Variants in ROR1 observed in about 807,000 individuals in gnomAD.
The protein encoded by ROR1 is ROR family WNT receptor 1, also known as inactive tyrosine-protein kinase transmembrane receptor ROR1.
ROR1 carries 19 observed loss-of-function variants against 78.8 expected under a neutral mutation model. That is an observed-to-expected ratio of 0.24 (90% CI 0.17 to 0.35). The LOEUF (loss-of-function observed/expected upper bound fraction) is 0.35. ROR1 is among the 10% of genes least tolerant of loss of function. The pLI is 1.00. For synonymous variants in ROR1, 386 were observed against 433.6 expected (o/e 0.89, Z 1.36); for missense variants, 917 against 1,177.8 (o/e 0.78, Z 3.24).
At chr1:63,922,869 A>G (rs1397154657) in intron 1 of ROR1, among the ~76,000 whole-genome samples, 2 of 152,056 alleles carry the variant, frequency 1.3e-5, no homozygotes, top group African/African-American at 2.4e-5. Context: ...TCCAGCTCCA[A>G]CTCTGAGGGT....
At chr1:64,082,827 T>C (rs766923025) in intron 4 of ROR1, among the ~76,000 whole-genome samples, 18 of 152,246 alleles carry the variant, frequency 1.2e-4, no homozygotes, top group Non-Finnish European at 1.8e-4. Context: ...ATCAAGTCTG[T>C]ATCATGGTCT....
At position 64,179,916 on chromosome 1, in the gene ROR1, T is replaced by C. The variant is rs549589732; in HGVS notation, c.*1061T>C. 1.3e-5 allele frequency: 2 copies of C among 152,310 alleles called. No homozygotes were observed. Among genetic ancestry groups the C allele is most frequent in the East Asian group, 3.9e-4 (2 of 5,188 alleles). The allele number at this position is 152,310 out of a possible 1,614,324, so 9.4% of individuals were successfully genotyped here. On this transcript the variant is annotated 3_prime_UTR_variant, in exon 9 of 9. Transcript: ENST00000371079. ...TACAAATGTCTAGTAATTTTAAAGTTTCTTTCCCTTTTTTTCTGTGCTGGA... is the reference window on the plus strand; with the variant it reads ...TACAAATGTCTAGTAATTTTAAAGTCTCTTTCCCTTTTTTTCTGTGCTGGA...
At chr1:63,889,416 C>T (rs759381773) in intron 1 of ROR1, among the ~76,000 whole-genome samples, 1 of 152,112 alleles carries the variant, frequency 6.6e-6, no homozygotes, top group Non-Finnish European at 1.5e-5. Context: ...CATAAGTTCC[C>T]AAAGTCATCT....
At chr1:63,799,753 AT>A (rs1644784480) in intron 1 of ROR1, among the ~76,000 whole-genome samples, 1 of 152,018 alleles carries the variant, frequency 6.6e-6, no homozygotes, top group African/African-American at 2.4e-5. Flanking sequence ...ATGGTGTTTA[AT>A]TCTCATGTAT....
chr1:63,828,953 CCTTT>C (rs1644970761), intron 1 of ROR1, among the ~76,000 whole-genome samples: 1 of 152,178 alleles, frequency 6.6e-6, no homozygotes, highest in Non-Finnish European at 1.5e-5. Flanking sequence ...CTATCTCCTT[CCTTT>C]CTTTCTTTAT....
chr1:64,040,411 G>A (rs1245967747), intron 2 of ROR1, among the ~76,000 whole-genome samples: 1 of 152,066 alleles, frequency 6.6e-6, no homozygotes. Flanking sequence ...AGTGAAAAGT[G>A]CACATATGAT....
At chr1:64,166,806 C>A (rs1650100209) in intron 8 of ROR1, among the ~76,000 whole-genome samples, 1 of 152,074 alleles carries the variant, frequency 6.6e-6, no homozygotes, top group South Asian at 2.1e-4. Context: ...TGGATAAAAT[C>A]CATCAGGGTG....
intron 1 of ROR1, among the ~76,000 whole-genome samples, chr1:63,927,895 A>G (rs855860): frequency 0.91 from 138,198 of 151,876 alleles, 63,038 homozygotes; most frequent in East Asian, 1. Flanking sequence ...CTAACAAAAT[A>G]TCTCACTATC....
At chr1:63,875,058 A>G (rs529392070) in intron 1 of ROR1, among the ~76,000 whole-genome samples, 1 of 152,232 alleles carries the variant, frequency 6.6e-6, no homozygotes, top group South Asian at 2.1e-4. Context: ...ATGGAATGGC[A>G]TAGAGAACAG....
At chr1:63,933,576 C>T (rs1395203185) in intron 1 of ROR1, among the ~76,000 whole-genome samples, 2 of 152,186 alleles carry the variant, frequency 1.3e-5, no homozygotes, top group East Asian at 3.9e-4. Context: ...AAGATCTTGC[C>T]ATTTCTTGGG....
At chr1:63,882,530 C>T (rs1645330081) in intron 1 of ROR1, among the ~76,000 whole-genome samples, 1 of 152,134 alleles carries the variant, frequency 6.6e-6, no homozygotes. Context: ...CCAGATGTCT[C>T]AAACAGCTTG....
intron 2 of ROR1, among the ~76,000 whole-genome samples, chr1:64,009,932 A>G (rs756306407): frequency 1.3e-5 from 2 of 152,270 alleles, no homozygotes; most frequent in Admixed American, 1.3e-4. Flanking sequence ...TAAAGACCCT[A>G]TGTCCTGGAG....
chr1:63,973,001 C>T (rs1031006713), intron 1 of ROR1, among the ~76,000 whole-genome samples: 2 of 152,248 alleles, frequency 1.3e-5, no homozygotes, highest in East Asian at 1.9e-4. Context: ...GTGGTGCCCA[C>T]GCTTCTGAGG....
intron 1 of ROR1, among the ~76,000 whole-genome samples, chr1:63,837,513 TTTTCTGAA>T (rs1164007881): frequency 6.6e-6 from 1 of 152,178 alleles, no homozygotes; most frequent in Non-Finnish European, 1.5e-5. Flanking sequence ...TTGGATAACC[TTTTCTGAA>T]AAGCAATTTC....
At chr1:64,167,203 G>C (rs1027136910) in intron 8 of ROR1, among the ~76,000 whole-genome samples, 3 of 152,170 alleles carry the variant, frequency 2.0e-5, no homozygotes, top group African/African-American at 7.2e-5. Context: ...TTATGAGCAC[G>C]TGATGGCTCA....
chr1:64,145,781 A>T (rs1366193515), intron 7 of ROR1, among the ~76,000 whole-genome samples: 2 of 152,218 alleles, frequency 1.3e-5, no homozygotes, highest in Non-Finnish European at 2.9e-5. Context: ...AGCAGTACTT[A>T]CTAAGCACCT....
intron 4 of ROR1, chr1:64,094,836 C>T (rs1418406176): frequency 2.6e-5 from 4 of 152,428 alleles, no homozygotes; most frequent in East Asian, 3.9e-4. Context: ...ATGATCCACT[C>T]GCCTTGGCCT....
intron 1 of ROR1, among the ~76,000 whole-genome samples, chr1:63,868,116 ATAC>A (rs908186052): frequency 3.0e-4 from 46 of 151,484 alleles, no homozygotes; most frequent in African/African-American, 9.8e-4. Flanking sequence ...ATTCAGAGAA[ATAC>A]TAGCGCAGTT....
intron 1 of ROR1, among the ~76,000 whole-genome samples, chr1:63,854,874 C>T (rs1317196382): frequency 1.3e-5 from 2 of 152,166 alleles, no homozygotes; most frequent in Admixed American, 1.3e-4. Context: ...TGCATCTAAC[C>T]TACATACATT....
Sources: gnomAD v4.1 joint callset for allele counts (sites outside exome capture counted in the v4.1 genomes callset) on GRCh38, gnomAD v4.1.1 for gene constraint, MANE v1.5 for transcripts, NCBI Gene and HGNC (gene_info 2026-07-23, HGNC 2026-07-21) for gene names.